NBAS: variants seen among roughly 807,000 people sequenced by gnomAD.
NBAS encodes NBAS subunit of NRZ tethering complex.
NBAS carries 219 observed loss-of-function variants against 302.5 expected under a neutral mutation model. The ratio of observed to expected loss-of-function variants is 0.72; its 90% CI spans 0.65 to 0.81. The LOEUF is 0.81. Ranked by LOEUF, NBAS falls within the 30% of genes least tolerant of loss-of-function variation. NBAS has a pLI of 0.00. For missense variants in NBAS, 2,932 were observed against 2,841.6 expected, an observed-to-expected ratio of 1.03 and a Z score of -0.72; for synonymous variants, 1,118 against 1,021.6, an observed-to-expected ratio of 1.09 and a Z score of -1.80.
downstream of NBAS, among the ~76,000 whole-genome samples, chr2:15,166,405 C>A (rs1186128620): frequency 2.6e-5 from 4 of 152,172 alleles, no homozygotes; most frequent in Non-Finnish European, 4.4e-5. Context: ...TGGTCCTGAT[C>A]ATCTGGCTAT....
chr2:14,957,279 G>T, the NBAS span, among the ~76,000 whole-genome samples: 1 of 9,754 alleles, frequency 1.0e-4, no homozygotes, highest in South Asian at 4.0e-3. Flanking sequence ...ATACATATAC[G>T]TGTGTGTGTG....
the NBAS span, among the ~76,000 whole-genome samples, chr2:15,045,471 C>T: frequency 6.6e-6 from 1 of 152,108 alleles, no homozygotes; most frequent in South Asian, 2.1e-4. Flanking sequence ...CATTTTGCCA[C>T]CCAAAATGTC....
the NBAS span, among the ~76,000 whole-genome samples, chr2:14,822,045 A>C: frequency 1.3e-5 from 2 of 151,820 alleles, no homozygotes; most frequent in Admixed American, 1.3e-4. Context: ...CAATGAAAAA[A>C]AAAATGTAAC....
At chr2:15,145,382 GATGT>G in the NBAS span, among the ~76,000 whole-genome samples, 525 of 140,552 alleles carry the variant, frequency 3.7e-3, 9 homozygotes, top group African/African-American at 0.013. Flanking sequence ...AATGCATTGA[GATGT>G]ATGTGTTTGT....
chr2:14,865,021 A>G, the NBAS span, among the ~76,000 whole-genome samples: 1 of 151,684 alleles, frequency 6.6e-6, no homozygotes, highest in Admixed American at 6.6e-5. Context: ...TTTTGTCTTT[A>G]TTATTAGCTG....
chr2:15,321,185 T>C (rs1453621673), intron 38 of NBAS, among the ~76,000 whole-genome samples: 1 of 152,210 alleles, frequency 6.6e-6, no homozygotes, highest in Admixed American at 6.5e-5. Flanking sequence ...GAAAACTGGC[T>C]AGCCATATGT....
chr2:15,073,322 T>C, the NBAS span, among the ~76,000 whole-genome samples: 2 of 151,324 alleles, frequency 1.3e-5, no homozygotes, highest in East Asian at 1.9e-4. Context: ...CTACTAAAAA[T>C]ACAAAAATTA....
Position 15,461,464 on chromosome 2 carries a change from A to T in NBAS, c.2203-127T>A, listed in dbSNP as rs1572886228. 4.7e-5 allele frequency: 47 copies of T among 990,896 alleles called. No homozygotes were observed. The East Asian group carries it at 1.1e-3, about 23-fold the overall frequency. 61.4% of individuals were successfully genotyped at this position (990,896 alleles called of 1,614,324 possible). A position where few individuals can be genotyped will look rare whatever the true frequency, so the allele number is the denominator to read the frequency against. On this transcript the variant is annotated intron_variant, in intron 20 of 51. Transcript: ENST00000281513. ...ATATGAAACACCTTGAAATGACCCT[A>T]GTTTTTCCTAGCCTATATCCTGTTT...
chr2:15,241,341 G>A (rs999048346), intron 44 of NBAS, among the ~76,000 whole-genome samples: 1 of 152,174 alleles, frequency 6.6e-6, no homozygotes, highest in Non-Finnish European at 1.5e-5. Flanking sequence ...AATAGGGATA[G>A]GCAGCTAATT....
intron 11 of NBAS, among the ~76,000 whole-genome samples, chr2:15,502,700 G>A (rs909042201): frequency 6.6e-6 from 1 of 152,254 alleles, no homozygotes; most frequent in Admixed American, 6.5e-5. Context: ...GGGTGAGTGA[G>A]TGTGCGAGTG....
intron 35 of NBAS, among the ~76,000 whole-genome samples, chr2:15,331,920 A>T (rs1439414446): frequency 6.6e-6 from 1 of 152,234 alleles, no homozygotes; most frequent in Non-Finnish European, 1.5e-5. Context: ...GCTAATCACA[A>T]GAGCCCTTAA....
the NBAS span, among the ~76,000 whole-genome samples, chr2:14,792,947 G>A: frequency 6.6e-6 from 1 of 152,088 alleles, no homozygotes; most frequent in Non-Finnish European, 1.5e-5. Context: ...TATAGATAGG[G>A]CTTTATAGAA....
At chr2:14,906,177 G>A in the NBAS span, among the ~76,000 whole-genome samples, 3 of 152,166 alleles carry the variant, frequency 2.0e-5, no homozygotes, top group Non-Finnish European at 2.9e-5. Flanking sequence ...GGCAGCAGCA[G>A]CCACCGCCAC....
chr2:15,528,635 AG>A (rs1345172737), intron 9 of NBAS, among the ~76,000 whole-genome samples: 1 of 149,670 alleles, frequency 6.7e-6, no homozygotes, highest in Non-Finnish European at 1.5e-5. Flanking sequence ...TGGGAGGCTG[AG>A]GCGGGAGGAT....
chr2:15,021,648 G>A, the NBAS span, among the ~76,000 whole-genome samples: 19 of 82,444 alleles, frequency 2.3e-4, no homozygotes, highest in African/African-American at 9.8e-4. Flanking sequence ...GAAGGGGCAT[G>A]AAGACTTCTT....
At chr2:15,203,626 C>A (rs1466152047) in intron 48 of NBAS, among the ~76,000 whole-genome samples, 1 of 152,118 alleles carries the variant, frequency 6.6e-6, no homozygotes, top group African/African-American at 2.4e-5. Context: ...AAAACCCACA[C>A]ATTCAGCACA....
chr2:15,488,981 G>A lies in NBAS; in HGVS notation c.996C>T (p.Leu332=), dbSNP rs137936086. The A allele has an allele frequency of 2.8e-5, 45 of 1,613,676 alleles. No individual in the cohort carries two copies. Among genetic ancestry groups the A allele is most frequent in the Middle Eastern group, 1.6e-4 (1 of 6,078 alleles). The change falls in exon 12 of 52, where the codon CTC becomes CTT. Residue 332 remains leucine (L), a synonymous_variant. Coordinates refer to ENST00000281513, the MANE Select transcript of NBAS (RefSeq NM_015909.4). ...FKMSLSPDGM[L]LAAIHFSGKL... ...TCCCTGAGAAGTGAATGGCTGCCAGGAGCATCCCATCTGGAGAAAGGCTCA... is the reference window on the plus strand; with the variant it reads ...TCCCTGAGAAGTGAATGGCTGCCAGAAGCATCCCATCTGGAGAAAGGCTCA...
At chr2:15,156,675 T>A in the NBAS span, among the ~76,000 whole-genome samples, 14 of 152,156 alleles carry the variant, frequency 9.2e-5, no homozygotes, top group Non-Finnish European at 1.6e-4. Context: ...TACCATCATC[T>A]TTGGAGTTAG....
At chr2:14,989,426 C>T in the NBAS span, among the ~76,000 whole-genome samples, 14 of 151,888 alleles carry the variant, frequency 9.2e-5, no homozygotes, top group African/African-American at 1.9e-4. Flanking sequence ...GGCTTGGTGG[C>T]GCATGCCTAT....
Sources: allele counts gnomAD v4.1 joint callset (sites outside exome capture counted in the v4.1 genomes callset), GRCh38; gene constraint gnomAD v4.1.1; transcripts MANE v1.5; gene names NCBI Gene and HGNC (gene_info 2026-07-23, HGNC 2026-07-21).